The following MAGI2 variants were observed in gnomAD, a reference collection of about 807,000 sequenced individuals.
MAGI2 encodes membrane-associated guanylate kinase, WW and PDZ domain-containing protein 2.
MAGI2 carries 35 observed loss-of-function variants against 133.3 expected under a neutral mutation model. The ratio of observed to expected loss-of-function variants is 0.26; its 90% CI spans 0.20 to 0.35. MAGI2 has a LOEUF of 0.35. MAGI2 is among the 10% of genes least tolerant of loss of function. The pLI is 1.00. For missense variants in MAGI2, 1,636 were observed against 1,863.4 expected (o/e 0.88, Z 2.25); for synonymous variants, 729 against 710.6 (o/e 1.03, Z -0.41).
intron 20 of MAGI2, among the ~76,000 whole-genome samples, chr7:78,115,318 A>T (rs1406857161): frequency 6.6e-6 from 1 of 152,220 alleles, no homozygotes; most frequent in Non-Finnish European, 1.5e-5. Context: ...AAAGGGTAAG[A>T]TAGAATAAGT....
intron 1 of MAGI2, among the ~76,000 whole-genome samples, chr7:79,019,516 T>A (rs1051597829): frequency 5.3e-5 from 8 of 152,074 alleles, no homozygotes; most frequent in Non-Finnish European, 8.8e-5. Flanking sequence ...AATGACCCAA[T>A]CTTGGGTATT....
At chr7:78,659,862 TA>T (rs1165335052) in intron 2 of MAGI2, among the ~76,000 whole-genome samples, 2 of 152,068 alleles carry the variant, frequency 1.3e-5, no homozygotes, top group Non-Finnish European at 2.9e-5. Context: ...TATCTCAAAA[TA>T]AAAGGTTCAA....
At chr7:78,092,691 T>C (rs1817318871) in intron 20 of MAGI2, among the ~76,000 whole-genome samples, 1 of 152,216 alleles carries the variant, frequency 6.6e-6, no homozygotes, top group South Asian at 2.1e-4. Context: ...CTTTGCAATG[T>C]ACTTTTTGAA....
chr7:78,739,136 C>T (rs1374193687), intron 2 of MAGI2, among the ~76,000 whole-genome samples: 1 of 151,958 alleles, frequency 6.6e-6, no homozygotes, highest in Non-Finnish European at 1.5e-5. Flanking sequence ...ATGCTTTTTT[C>T]CCCCTCAGTG....
intron 2 of MAGI2, among the ~76,000 whole-genome samples, chr7:78,633,453 C>T (rs1809258306): frequency 6.6e-6 from 1 of 151,820 alleles, no homozygotes; most frequent in Admixed American, 6.6e-5. Context: ...TGCCTGTAAT[C>T]CCAGCACTTT....
At chr7:78,892,552 A>G (rs1194962299) in intron 2 of MAGI2, among the ~76,000 whole-genome samples, 9 of 152,236 alleles carry the variant, frequency 5.9e-5, no homozygotes, top group Non-Finnish European at 1.3e-4. Context: ...ATGGAACAGA[A>G]CAGAGCCCTC....
At chr7:78,204,308 C>T (rs1202897469) in intron 10 of MAGI2, among the ~76,000 whole-genome samples, 1 of 152,168 alleles carries the variant, frequency 6.6e-6, no homozygotes, top group Non-Finnish European at 1.5e-5. Context: ...ACTATTACAC[C>T]TCGCTTGGCG....
chr7:79,350,573 G>A (rs1841621158), intron 1 of MAGI2, among the ~76,000 whole-genome samples: 1 of 151,902 alleles, frequency 6.6e-6, no homozygotes, highest in South Asian at 2.1e-4. Context: ...AATTACAGAT[G>A]TTAAAAAAAA....
chr7:78,728,811 C>T (rs1438537655), intron 2 of MAGI2, among the ~76,000 whole-genome samples: 3 of 124,686 alleles, frequency 2.4e-5, no homozygotes, highest in African/African-American at 8.3e-5. Context: ...GTGATCCGCC[C>T]GCCTCGGCCT....
intron 2 of MAGI2, among the ~76,000 whole-genome samples, chr7:78,955,721 TTC>T (rs1298892022): frequency 0.035 from 3,455 of 99,794 alleles, 63 homozygotes; most frequent in East Asian, 0.053. Flanking sequence ...TTTTCTTTCT[TTC>T]TCTTTCTTTC....
At chr7:79,122,630 A>T (rs1820006346) in intron 1 of MAGI2, among the ~76,000 whole-genome samples, 1 of 152,160 alleles carries the variant, frequency 6.6e-6, no homozygotes, top group Admixed American at 6.6e-5. Context: ...CAAAATTATT[A>T]AAGATTTTAA....
chr7:78,246,656 G>A (rs116148763), intron 10 of MAGI2, among the ~76,000 whole-genome samples: 1 of 152,266 alleles, frequency 6.6e-6, no homozygotes, highest in East Asian at 1.9e-4. Context: ...TCTGGCTGCT[G>A]CACCTGACCA....
intron 1 of MAGI2, among the ~76,000 whole-genome samples, chr7:79,240,792 CT>C (rs143532296): frequency 0.035 from 5,323 of 152,174 alleles, 141 homozygotes; most frequent in African/African-American, 0.066. Context: ...TCACAACTCT[CT>C]TTTTTCCAAT....
intron 1 of MAGI2, among the ~76,000 whole-genome samples, chr7:79,171,770 A>ATATATTTAT: frequency 3.2e-5 from 1 of 31,204 alleles, no homozygotes; most frequent in Non-Finnish European, 1.1e-4. Context: ...ATATATATAT[A>ATATATTTAT]TTTTTTTTTT....
intron 9 of MAGI2, among the ~76,000 whole-genome samples, chr7:78,293,687 A>C (rs1442724168): frequency 1.3e-5 from 2 of 152,190 alleles, no homozygotes; most frequent in Non-Finnish European, 2.9e-5. Context: ...AACCAACCCA[A>C]ATGTCCATCA....
chr7:78,231,409 G>A (rs781334691), intron 10 of MAGI2, among the ~76,000 whole-genome samples: 1 of 152,160 alleles, frequency 6.6e-6, no homozygotes, highest in Admixed American at 6.5e-5. Flanking sequence ...TGGCCCCTGC[G>A]CTCTAAATGC....
chr7:79,188,278 A>C (rs7791486), intron 1 of MAGI2, among the ~76,000 whole-genome samples: 1 of 150,508 alleles, frequency 6.6e-6, no homozygotes, highest in Non-Finnish European at 1.5e-5. Flanking sequence ...TACCCTTTCC[A>C]CCCCGCCTCC....
chr7:78,655,198 T>G (rs527768956), intron 2 of MAGI2, among the ~76,000 whole-genome samples: 27 of 151,964 alleles, frequency 1.8e-4, no homozygotes, highest in Non-Finnish European at 3.4e-4. Context: ...GTGATAGTAT[T>G]ACTAAAACGC....
intron 2 of MAGI2, among the ~76,000 whole-genome samples, chr7:78,912,411 G>A (rs1171284962): frequency 6.6e-6 from 1 of 152,094 alleles, no homozygotes; most frequent in Non-Finnish European, 1.5e-5. Flanking sequence ...ATGTGTCTGT[G>A]AGGGTGTTGC....
Sources: allele counts gnomAD v4.1 joint callset (sites outside exome capture counted in the v4.1 genomes callset), GRCh38; gene constraint gnomAD v4.1.1; transcripts MANE v1.5; gene names NCBI Gene and HGNC (gene_info 2026-07-23, HGNC 2026-07-21).